HAO1: variants seen among roughly 807,000 people sequenced by gnomAD.
The protein encoded by HAO1 is hydroxyacid oxidase 1.
In HAO1, 34 loss-of-function variants were observed where a neutral mutation model predicts 39.7. That is an observed-to-expected ratio of 0.86 (90% confidence interval 0.65 to 1.14). HAO1 has a LOEUF of 1.14. Among genes scored for constraint, HAO1 ranks in the 50% most tolerant of loss-of-function variants. HAO1 has a pLI of 0.00. For missense variants in HAO1, 479 were observed against 464.5 expected, an observed-to-expected ratio of 1.03 and a Z score of -0.29; for synonymous variants, 172 against 173.2, an observed-to-expected ratio of 0.99 and a Z score of 0.05.
intron 2 of HAO1, among the ~76,000 whole-genome samples, chr20:7,932,425 C>A (rs1050448590): frequency 6.6e-6 from 1 of 152,120 alleles, no homozygotes; most frequent in African/African-American, 2.4e-5. Context: ...GTCCCTTGTC[C>A]CTTTATCTCT....
At chr20:7,922,972 A>C (rs927121638) in intron 2 of HAO1, among the ~76,000 whole-genome samples, 10 of 152,098 alleles carry the variant, frequency 6.6e-5, no homozygotes, top group African/African-American at 2.4e-4. Context: ...TCTCAGACCC[A>C]CCCATAATAA....
intron 4 of HAO1, among the ~76,000 whole-genome samples, chr20:7,899,406 G>A (rs1488723172): frequency 6.6e-6 from 1 of 152,070 alleles, no homozygotes; most frequent in African/African-American, 2.4e-5. Flanking sequence ...ATGAGTAGGT[G>A]GAGAAAGATT....
At chr20:7,890,523 C>A (rs2122751257) in intron 5 of HAO1, among the ~76,000 whole-genome samples, 1 of 152,040 alleles carries the variant, frequency 6.6e-6, no homozygotes, top group South Asian at 2.1e-4. Context: ...TGGTTATTGT[C>A]TTTTGTTTGT....
chr20:7,903,088 G>A (rs993793151), intron 4 of HAO1, among the ~76,000 whole-genome samples: 2 of 152,120 alleles, frequency 1.3e-5, no homozygotes, highest in Non-Finnish European at 2.9e-5. Context: ...GAGAAAATTG[G>A]ATTTCCCAGA....
chr20:7,907,595 CA>C (rs1019774671), intron 3 of HAO1, among the ~76,000 whole-genome samples: 7 of 152,296 alleles, frequency 4.6e-5, no homozygotes, highest in Admixed American at 4.6e-4. Context: ...TAGGAGAACC[CA>C]ACCTGAGACA....
At chr20:7,915,352 G>C (rs2050301965) in intron 2 of HAO1, among the ~76,000 whole-genome samples, 1 of 151,636 alleles carries the variant, frequency 6.6e-6, no homozygotes, top group South Asian at 2.1e-4. Context: ...AGAATAAGAA[G>C]AAGGGGAAGG....
At chr20:7,893,091 T>C (rs1203838755) in intron 5 of HAO1, among the ~76,000 whole-genome samples, 2 of 152,172 alleles carry the variant, frequency 1.3e-5, no homozygotes, top group East Asian at 3.9e-4. Flanking sequence ...GCCAAGGCTC[T>C]TCTATTGCAC....
At chr20:7,891,818 G>T (rs766235837) in intron 5 of HAO1, among the ~76,000 whole-genome samples, 30 of 152,148 alleles carry the variant, frequency 2.0e-4, no homozygotes, top group Non-Finnish European at 3.1e-4. Flanking sequence ...AGTTAGATTT[G>T]ATTTCAGTAG....
chr20:7,926,732 A>C (rs757325809), intron 2 of HAO1, among the ~76,000 whole-genome samples: 9 of 152,174 alleles, frequency 5.9e-5, no homozygotes, highest in Non-Finnish European at 1.0e-4. Context: ...GCTGAGTCCC[A>C]AAACTTCACT....
intron 2 of HAO1, among the ~76,000 whole-genome samples, chr20:7,924,761 A>G (rs1392557658): frequency 6.6e-6 from 1 of 152,148 alleles, no homozygotes; most frequent in Non-Finnish European, 1.5e-5. Context: ...AAGAGGAAGC[A>G]AAAAAGTGTA....
chr20:7,936,502 C>CTGTGTGTGTGTGTGTG (rs2050410783), intron 1 of HAO1, among the ~76,000 whole-genome samples: 1 of 20,692 alleles, frequency 4.8e-5, no homozygotes, highest in Non-Finnish European at 1.1e-4. Context: ...AGGGCAGCAG[C>CTGTGTGTGTGTGTGTG]CGTGTGTGTG....
At chr20:7,918,261 G>A (rs1017297531) in intron 2 of HAO1, among the ~76,000 whole-genome samples, 1 of 152,104 alleles carries the variant, frequency 6.6e-6, no homozygotes, top group Non-Finnish European at 1.5e-5. Context: ...CTATGACAAA[G>A]GAAAATTATT....
At chr20:7,889,865 C>A (rs116774804) in intron 5 of HAO1, among the ~76,000 whole-genome samples, 1 of 152,138 alleles carries the variant, frequency 6.6e-6, no homozygotes, top group African/African-American at 2.4e-5. Flanking sequence ...TCACCTAGCC[C>A]TTATCCCCTG....
At chr20:7,891,318 T>C (rs1477158247) in intron 5 of HAO1, among the ~76,000 whole-genome samples, 2 of 152,232 alleles carry the variant, frequency 1.3e-5, no homozygotes, top group African/African-American at 4.8e-5. Context: ...TTTTTTCATA[T>C]GTTTGTTGGC....
chr20:7,897,558 T>C (rs1375146945), intron 4 of HAO1, among the ~76,000 whole-genome samples: 2 of 152,108 alleles, frequency 1.3e-5, no homozygotes, highest in Non-Finnish European at 2.9e-5. Context: ...ATGTTTTTAA[T>C]CTTTGAGAGC....
At chr20:7,903,938 T>C (rs2050235869) in intron 4 of HAO1, among the ~76,000 whole-genome samples, 1 of 151,798 alleles carries the variant, frequency 6.6e-6, no homozygotes, top group African/African-American at 2.4e-5. Flanking sequence ...AGAATGAAGA[T>C]CTAGAAACCA....
At chr20:7,912,011 AAAC>A (rs538212273) in intron 3 of HAO1, among the ~76,000 whole-genome samples, 1 of 152,228 alleles carries the variant, frequency 6.6e-6, no homozygotes, top group South Asian at 2.1e-4. Flanking sequence ...CCACTAGGAC[AAAC>A]AACACCAATG....
chr20:7,927,555 T>C (rs1488084121), intron 2 of HAO1, among the ~76,000 whole-genome samples: 2 of 150,720 alleles, frequency 1.3e-5, no homozygotes. Context: ...CTGCCCTCCA[T>C]TCAGTATTTT....
At chr20:7,927,934 A>G (rs1417898531) in intron 2 of HAO1, among the ~76,000 whole-genome samples, 1 of 152,164 alleles carries the variant, frequency 6.6e-6, no homozygotes, top group Non-Finnish European at 1.5e-5. Context: ...GGAGTTGGAG[A>G]AAGTTTCTCA....
Sources: gnomAD v4.1 joint callset for allele counts (sites outside exome capture counted in the v4.1 genomes callset) on GRCh38, gnomAD v4.1.1 for gene constraint, MANE v1.5 for transcripts, NCBI Gene and HGNC (gene_info 2026-07-23, HGNC 2026-07-21) for gene names.